ATF7IP: variants seen among roughly 807,000 people sequenced by gnomAD.
The protein encoded by ATF7IP is activating transcription factor 7-interacting protein 1.
In ATF7IP, 23 loss-of-function variants were observed where a neutral mutation model predicts 106.4. That is an observed-to-expected ratio of 0.22 (90% CI 0.16 to 0.31). The LOEUF is 0.31. Among genes scored for constraint, ATF7IP ranks in the 10% least tolerant of loss-of-function variants. The pLI, the probability that ATF7IP is intolerant of heterozygous loss-of-function variation, is 1.00. For synonymous variants in ATF7IP, 542 were observed against 539.0 expected (o/e 1.01, Z -0.08); for missense variants, 1,334 against 1,524.3 (o/e 0.88, Z 2.08).
chr12:14,496,599 T>A (rs554252087), intron 14 of ATF7IP, among the ~76,000 whole-genome samples: 4 of 152,352 alleles, frequency 2.6e-5, no homozygotes, highest in African/African-American at 9.6e-5. Flanking sequence ...GTATATGAAG[T>A]GAAATATAGA....
chr12:14,438,899 TC>T (rs1389536497), intron 5 of ATF7IP, among the ~76,000 whole-genome samples: 1 of 152,194 alleles, frequency 6.6e-6, no homozygotes, highest in African/African-American at 2.4e-5. Context: ...TATTTTTTTT[TC>T]CAGTCACTAA....
chr12:14,389,272 T>A (rs1426178740), intron 1 of ATF7IP, among the ~76,000 whole-genome samples: 1 of 152,240 alleles, frequency 6.6e-6, no homozygotes, highest in African/African-American at 2.4e-5. Context: ...GTTTTTGTAG[T>A]ACTGGGTCCT....
chr12:14,477,276 A>AT (rs1944291345), intron 11 of ATF7IP, among the ~76,000 whole-genome samples: 1 of 152,216 alleles, frequency 6.6e-6, no homozygotes, highest in Non-Finnish European at 1.5e-5. Flanking sequence ...ATATGACAGT[A>AT]AAGTCGGTTT....
chr12:14,385,466 C>T, intron 1 of ATF7IP: 1 of 1,426,098 alleles, frequency 7.0e-7, no homozygotes, highest in Non-Finnish European at 9.5e-7. Context: ...AGGAATTTAA[C>T]TGAGTTTACT....
chr12:14,429,938 A>T (rs1277415325), intron 2 of ATF7IP, among the ~76,000 whole-genome samples: 3 of 152,188 alleles, frequency 2.0e-5, no homozygotes, highest in Non-Finnish European at 4.4e-5. Context: ...TCCAAGTTAG[A>T]TGTGTAAGTC....
intron 1 of ATF7IP, among the ~76,000 whole-genome samples, chr12:14,401,132 C>G (rs1940167823): frequency 6.6e-6 from 1 of 152,052 alleles, no homozygotes; most frequent in Non-Finnish European, 1.5e-5. Context: ...TTATGCTTAA[C>G]TGCTATTTTG....
At chr12:14,389,702 A>G (rs966792019) in intron 1 of ATF7IP, among the ~76,000 whole-genome samples, 17 of 152,070 alleles carry the variant, frequency 1.1e-4, no homozygotes, top group African/African-American at 3.6e-4. Context: ...ATCTCGGCTC[A>G]CCGCAACCTC....
chr12:14,385,703 T>G (rs182455540), intron 1 of ATF7IP, among the ~76,000 whole-genome samples: 1 of 152,286 alleles, frequency 6.6e-6, no homozygotes, highest in Non-Finnish European at 1.5e-5. Flanking sequence ...TTTTAGTGTG[T>G]TTGGTATTTA....
rs749945039 is a variant in ATF7IP at position 14,425,441 on chromosome 12, A to G, written c.1526A>G (p.Glu509Gly). 5.4e-5 allele frequency: 85 copies of G among 1,569,918 alleles called. No homozygotes were observed. The highest frequency in any genetic ancestry group is 6.9e-5 in the Non-Finnish European group (80 of 1,162,786). The change falls in exon 2 of 15, where the codon GAA (glutamate) becomes GGA (glycine). Residue 509 changes from glutamate (E) to glycine (G), a missense_variant. Coordinates refer to ENST00000261168, the MANE Select transcript of ATF7IP (RefSeq NM_018179.5). The stretch of plus-strand genomic sequence containing the variant: ...ATTTCGGGTGAAAAAGATGAGTCTG[A>G]AGTTATATCGCAAAATGAAACGTGC... The part of the protein sequence containing the change: ...EDISGEKDES[E>G]VISQNETCSP...
intron 5 of ATF7IP, among the ~76,000 whole-genome samples, chr12:14,446,460 T>G (rs924647307): frequency 1.3e-5 from 2 of 152,194 alleles, no homozygotes; most frequent in Non-Finnish European, 2.9e-5. Context: ...GGTAATGTTT[T>G]TATCAGATTG....
chr12:14,426,884 A>AT (rs1338828421), intron 2 of ATF7IP, among the ~76,000 whole-genome samples: 1 of 151,386 alleles, frequency 6.6e-6, no homozygotes, highest in Non-Finnish European at 1.5e-5. Flanking sequence ...GCATTCAACT[A>AT]AACCTATATA....
At chr12:14,476,248 T>C (rs918390611) in intron 11 of ATF7IP, 5 of 228,880 alleles carry the variant, frequency 2.2e-5, no homozygotes, top group Non-Finnish European at 3.4e-5. Context: ...CCCGTCTCTA[T>C]AAAAAATTTA....
At chr12:14,479,078 T>C (rs1944351172) in intron 12 of ATF7IP, among the ~76,000 whole-genome samples, 1 of 152,206 alleles carries the variant, frequency 6.6e-6, no homozygotes, top group South Asian at 2.1e-4. Flanking sequence ...AGTTATATTC[T>C]TGAGACCAGC....
intron 13 of ATF7IP, among the ~76,000 whole-genome samples, chr12:14,486,686 T>G (rs1333818442): frequency 1.3e-5 from 2 of 152,228 alleles, no homozygotes; most frequent in Non-Finnish European, 2.9e-5. Context: ...GTCGGACTCT[T>G]CTAACTGCCA....
chr12:14,378,855 A>T, intron 1 of ATF7IP, among the ~76,000 whole-genome samples: 1 of 152,240 alleles, frequency 6.6e-6, no homozygotes, highest in Non-Finnish European at 1.5e-5. Context: ...TACAGTTACT[A>T]ATAATCTTTG....
chr12:14,493,820 G>C (rs1944908414), intron 13 of ATF7IP, among the ~76,000 whole-genome samples: 1 of 152,088 alleles, frequency 6.6e-6, no homozygotes, highest in Admixed American at 6.5e-5. Flanking sequence ...CTCTACAGGA[G>C]ATAAGACTCT....
At chr12:14,431,932 C>T (rs564987598) in intron 2 of ATF7IP, among the ~76,000 whole-genome samples, 6 of 152,206 alleles carry the variant, frequency 3.9e-5, no homozygotes, top group Admixed American at 1.3e-4. Context: ...AAGTTCTTTC[C>T]GTTACAAAAA....
chr12:14,498,769 G>C lies in ATF7IP; in HGVS notation c.*696G>C, dbSNP rs982721373. 3 of 152,440 alleles carry C rather than the reference G, an allele frequency of 2.0e-5. No homozygotes were observed. Among genetic ancestry groups the C allele is most frequent in the Non-Finnish European group, 4.4e-5 (3 of 68,018 alleles). The allele number at this position is 152,440 out of a possible 1,614,324, so 9.4% of individuals were successfully genotyped here. Reference sequence around the variant, plus strand: ...AATAAATAAATATGGCCATATGTCCGTTGTTGCTTAGTCTTCCCTTGCAGC... The same window carrying C: ...AATAAATAAATATGGCCATATGTCCCTTGTTGCTTAGTCTTCCCTTGCAGC... On this transcript the variant is annotated 3_prime_UTR_variant, in exon 15 of 15. Coordinates refer to ENST00000261168, the MANE Select transcript of ATF7IP (RefSeq NM_018179.5).
chr12:14,482,298 T>C (rs552601345), intron 13 of ATF7IP: 4 of 154,572 alleles, frequency 2.6e-5, no homozygotes, highest in Non-Finnish European at 5.7e-5. Flanking sequence ...ACAGGATAAA[T>C]AGATATATAA....
Sources: allele counts gnomAD v4.1 joint callset (sites outside exome capture counted in the v4.1 genomes callset), GRCh38; gene constraint gnomAD v4.1.1; transcripts MANE v1.5; gene names NCBI Gene and HGNC (gene_info 2026-07-23, HGNC 2026-07-21).